TBX15: variants seen among roughly 807,000 people sequenced by gnomAD.
TBX15 encodes the protein T-box transcription factor TBX15.
In TBX15, 18 loss-of-function variants were observed where a neutral mutation model predicts 53.9. The ratio of observed to expected loss-of-function variants is 0.33; its 90% confidence interval spans 0.23 to 0.49. The LOEUF (loss-of-function observed/expected upper bound fraction) is 0.49, where lower values mean the gene tolerates loss of function less well. Among genes scored for constraint, TBX15 ranks in the 20% least tolerant of loss-of-function variants. TBX15 has a pLI of 0.98. For missense variants in TBX15, 692 were observed against 749.5 expected, an observed-to-expected ratio of 0.92 and a Z score of 0.90; for synonymous variants, 295 against 278.0, an observed-to-expected ratio of 1.06 and a Z score of -0.61.
chr1:118,919,518 TG>T (rs1015004591), intron 5 of TBX15, among the ~76,000 whole-genome samples: 1 of 152,050 alleles, frequency 6.6e-6, no homozygotes, highest in African/African-American at 2.4e-5. Flanking sequence ...GAATGGAAAA[TG>T]GGGAAAGAAA....
At chr1:118,959,211 A>G (rs1477093764) in intron 1 of TBX15, among the ~76,000 whole-genome samples, 3 of 152,188 alleles carry the variant, frequency 2.0e-5, no homozygotes, top group East Asian at 3.9e-4. Context: ...TACCTCCCAC[A>G]TTACCTCAGT....
chr1:118,967,482 T>C (rs1018648113), intron 1 of TBX15, among the ~76,000 whole-genome samples: 6 of 152,226 alleles, frequency 3.9e-5, no homozygotes, highest in Non-Finnish European at 8.8e-5. Context: ...AGATTTTATG[T>C]TCTCTGTATG....
intron 7 of TBX15, among the ~76,000 whole-genome samples, chr1:118,893,352 GGAAGGAAAGAAA>G (rs1300026444): frequency 5.7e-4 from 36 of 63,194 alleles, no homozygotes; most frequent in Non-Finnish European, 6.2e-4. Flanking sequence ...AAGGAAGGAA[GGAAGGAAAGAAA>G]GAAAGAAAGA....
chr1:118,898,253 T>A (rs552871614), intron 7 of TBX15, among the ~76,000 whole-genome samples: 1 of 152,256 alleles, frequency 6.6e-6, no homozygotes, highest in East Asian at 1.9e-4. Context: ...CTGACAGATT[T>A]CAGCAATTTA....
In TBX15 at chr1:118,885,231, G is replaced by A. The variant is rs1028987916; in HGVS notation, c.1310C>T (p.Thr437Ile). The change falls in exon 8 of 8, where the codon ACC becomes ATC. Residue 437 changes from threonine (T) to isoleucine (I), a missense_variant. Coordinates refer to ENST00000369429, the MANE Select transcript of TBX15 (RefSeq NM_001330677.2). ...GTTSATQPSE[T>I]FMPQRTPSLI... Reference sequence around the variant, plus strand: ...GGATGGAGTCCTCTGAGGCATGAAGGTTTCAGAGGGCTGAGTGGCTGAAGT... The same window carrying A: ...GGATGGAGTCCTCTGAGGCATGAAGATTTCAGAGGGCTGAGTGGCTGAAGT... 6.2e-7 allele frequency: 1 copy of A among 1,614,178 alleles called. No individual in the cohort carries two copies. Among genetic ancestry groups the A allele is most frequent in the Non-Finnish European group, 8.5e-7 (1 of 1,180,036 alleles).
At chr1:118,963,309 G>A (rs373332221) in intron 1 of TBX15, among the ~76,000 whole-genome samples, 6 of 152,122 alleles carry the variant, frequency 3.9e-5, no homozygotes, top group African/African-American at 1.2e-4. Flanking sequence ...GTATTTGAAC[G>A]GCTCTTTCAT....
At chr1:118,969,878 C>T (rs569486079) in intron 1 of TBX15, among the ~76,000 whole-genome samples, 1 of 152,366 alleles carries the variant, frequency 6.6e-6, no homozygotes, top group East Asian at 1.9e-4. Flanking sequence ...CTTTGATATA[C>T]TTTGGCTCTA....
intron 6 of TBX15, among the ~76,000 whole-genome samples, chr1:118,909,438 G>A (rs1248475724): frequency 1.3e-5 from 2 of 152,196 alleles, no homozygotes; most frequent in Admixed American, 1.3e-4. Context: ...AGAATCTGGG[G>A]GGTTCCTTCC....
chr1:118,920,122 G>C (rs1167399983), intron 5 of TBX15, among the ~76,000 whole-genome samples: 2 of 152,156 alleles, frequency 1.3e-5, no homozygotes, highest in Non-Finnish European at 2.9e-5. Context: ...TAGAACTCAA[G>C]TCTCCTAACT....
intron 1 of TBX15, among the ~76,000 whole-genome samples, chr1:118,958,416 G>A (rs944370050): frequency 6.6e-6 from 1 of 152,166 alleles, no homozygotes; most frequent in African/African-American, 2.4e-5. Flanking sequence ...ATAGCAACCT[G>A]AGCAGACTAA....
intron 7 of TBX15, among the ~76,000 whole-genome samples, chr1:118,895,079 A>G (rs1654375392): frequency 6.6e-6 from 1 of 152,148 alleles, no homozygotes; most frequent in South Asian, 2.1e-4. Context: ...CTTTCCCAGT[A>G]TCTTACTTGT....
chr1:118,975,047 T>C (rs1234473014), intron 1 of TBX15, among the ~76,000 whole-genome samples: 3 of 152,198 alleles, frequency 2.0e-5, no homozygotes, highest in Admixed American at 6.5e-5. Flanking sequence ...ATCCATCCCA[T>C]TGTGAATGGA....
chr1:118,890,055 T>C (rs1654084308), intron 7 of TBX15, among the ~76,000 whole-genome samples: 1 of 152,222 alleles, frequency 6.6e-6, no homozygotes, highest in Non-Finnish European at 1.5e-5. Flanking sequence ...GCTAAGCATC[T>C]TGGCCTCTCC....
At chr1:118,968,859 G>A in intron 1 of TBX15, among the ~76,000 whole-genome samples, 1 of 152,158 alleles carries the variant, frequency 6.6e-6, no homozygotes. Flanking sequence ...TGAGGAGGGA[G>A]GAGGGAGATA....
At chr1:118,954,594 C>T (rs1017509999) in intron 1 of TBX15, among the ~76,000 whole-genome samples, 1 of 152,234 alleles carries the variant, frequency 6.6e-6, no homozygotes, top group Non-Finnish European at 1.5e-5. Flanking sequence ...ATAAAGTTCA[C>T]TATGCTCCAA....
chr1:118,895,007 C>G (rs2101482191), intron 7 of TBX15, among the ~76,000 whole-genome samples: 1 of 152,240 alleles, frequency 6.6e-6, no homozygotes, highest in South Asian at 2.1e-4. Context: ...TATAAATCAG[C>G]TATGTTTTTA....
chr1:118,904,953 TAATC>T (rs1654763792), intron 6 of TBX15, among the ~76,000 whole-genome samples: 1 of 152,174 alleles, frequency 6.6e-6, no homozygotes, highest in Admixed American at 6.5e-5. Context: ...AAAATGGAGA[TAATC>T]ATAATACTTC....
At chr1:118,974,463 G>A (rs1314316347) in intron 1 of TBX15, among the ~76,000 whole-genome samples, 1 of 152,152 alleles carries the variant, frequency 6.6e-6, no homozygotes, top group African/African-American at 2.4e-5. Context: ...CAGGGGCAGG[G>A]GGCTGGATTT....
At chr1:118,962,742 G>A (rs1308751220) in intron 1 of TBX15, among the ~76,000 whole-genome samples, 3 of 152,142 alleles carry the variant, frequency 2.0e-5, no homozygotes, top group African/African-American at 7.2e-5. Flanking sequence ...GGTTTACTTA[G>A]CTACACAATA....
Sources: gnomAD v4.1 joint callset for allele counts (sites outside exome capture counted in the v4.1 genomes callset) on GRCh38, gnomAD v4.1.1 for gene constraint, MANE v1.5 for transcripts, NCBI Gene and HGNC (gene_info 2026-07-23, HGNC 2026-07-21) for gene names.